Variants in ZNF486 observed in about 807,000 individuals in gnomAD.
The protein encoded by ZNF486 is KRAB box only protein 2.
A neutral mutation model predicts 12.8 loss-of-function variants in ZNF486; 12 were observed. The ratio of observed to expected loss-of-function variants is 0.94; its 90% CI spans 0.60 to 1.52. ZNF486 has a LOEUF of 1.52. ZNF486 is among the 40% of genes most tolerant of loss of function. The pLI, the probability that ZNF486 is intolerant of heterozygous loss-of-function variation, is 0.00. For synonymous variants in ZNF486, 231 were observed against 184.9 expected (o/e 1.25, Z -2.02); for missense variants, 738 against 545.0 (o/e 1.35, Z -3.53).
At chr19:20,193,177 CTA>C (rs1415152995) in intron 3 of ZNF486, among the ~76,000 whole-genome samples, 3 of 151,696 alleles carry the variant, frequency 2.0e-5, no homozygotes, top group Non-Finnish European at 4.4e-5. Context: ...AACTATGCCT[CTA>C]TATTTTATGG....
intron 1 of ZNF486, among the ~76,000 whole-genome samples, chr19:20,179,832 G>C (rs927878743): frequency 6.6e-6 from 1 of 152,194 alleles, no homozygotes; most frequent in African/African-American, 2.4e-5. Flanking sequence ...GAATCTGATG[G>C]CAGAATCTGT....
At chr19:20,172,982 C>T (rs750562224) in intron 1 of ZNF486, among the ~76,000 whole-genome samples, 11 of 152,098 alleles carry the variant, frequency 7.2e-5, no homozygotes, top group Non-Finnish European at 1.3e-4. Flanking sequence ...TTGTCAGAGG[C>T]AAAGTTTGTA....
chr19:20,183,067 T>A (rs2089803479), intron 1 of ZNF486, among the ~76,000 whole-genome samples: 2 of 152,212 alleles, frequency 1.3e-5, no homozygotes, highest in Admixed American at 1.3e-4. Flanking sequence ...CTTATGATAG[T>A]CAAGGGTCTC....
chr19:20,197,388 T>C lies in ZNF486; in HGVS notation c.678T>C (p.Thr226=). The stretch of plus-strand genomic sequence containing the variant: ...CCTTCAACCGGTCCTCACACCTTAC[T>C]ACACATAAGATAACTCATACTAGAG... ...GKAFNRSSHL[T]THKITHTREK... is the part of the protein sequence containing the mutation. The change falls in exon 4 of 4, where the codon ACT becomes ACC. Residue 226 remains threonine, a synonymous_variant. Coordinates refer to ENST00000335117, the MANE Select transcript of ZNF486 (RefSeq NM_052852.4). The C allele has an allele frequency of 6.2e-7, 1 of 1,613,326 alleles. No individual in the cohort carries two copies. The highest frequency in any genetic ancestry group is 1.1e-5 in the South Asian group (1 of 91,046).
At chr19:20,177,078 T>G (rs1039459648) in intron 1 of ZNF486, 3 of 152,264 alleles carry the variant, frequency 2.0e-5, no homozygotes, top group Admixed American at 2.0e-4. Flanking sequence ...GGCCTCACTC[T>G]CTGATGTGAC....
At chr19:20,167,816 G>A (rs1250971513) in intron 1 of ZNF486, among the ~76,000 whole-genome samples, 1 of 152,058 alleles carries the variant, frequency 6.6e-6, no homozygotes, top group African/African-American at 2.4e-5. Context: ...GCGAAGGCTG[G>A]CGGATCACTT....
In ZNF486 at chr19:20,197,101, G is replaced by T; in HGVS notation, c.391G>T (p.Glu131Ter). 6.2e-7 allele frequency: 1 copy of T among 1,613,326 alleles called. No homozygotes were observed. The highest frequency in any genetic ancestry group is 8.5e-7 in the Non-Finnish European group (1 of 1,179,856). Residue 131 changes from glutamate (E) to a stop codon, truncating the protein, a stop_gained, in exon 4 of 4, where the codon GAG (glutamate) becomes TAG (stop). Transcript: ENST00000335117. LOFTEE classifies it low-confidence loss of function (END_TRUNC). ...HFKKGCESVDECKLHKRGYNG... is the reference protein window; with the variant it reads ...HFKKGCESVD Reference sequence around the variant, plus strand: ...TAAAAAAGGCTGTGAAAGTGTGGATGAGTGTAAGTTACACAAAAGAGGTTA... The same window carrying T: ...TAAAAAAGGCTGTGAAAGTGTGGATTAGTGTAAGTTACACAAAAGAGGTTA...
chr19:20,184,402 A>C lies in ZNF486; in HGVS notation c.77A>C (p.Glu26Ala), dbSNP rs782405483. The C allele has an allele frequency of 1.2e-6, 2 of 1,613,604 alleles. No homozygotes were observed. Among genetic ancestry groups the C allele is most frequent in the South Asian group, 2.2e-5 (2 of 91,058 alleles). ...GTGGCTGTAGAATTCTCTCTGGAGG[A>C]GTGGCATTGCCTGGACACTGCACAG... ...RDVAVEFSLE[E>A]WHCLDTAQQN... The change falls in exon 2 of 4, where the codon GAG (glutamate) becomes GCG (alanine). Residue 26 changes from glutamate to alanine, a missense_variant. Glu to Ala is a moderately radical substitution (Grantham distance 107). Coordinates refer to ENST00000335117, the MANE Select transcript of ZNF486 (RefSeq NM_052852.4).
At position 20,198,144 on chromosome 19, in the gene ZNF486, TC is replaced by T. The variant is rs2089980271; in HGVS notation, c.*43del. On this transcript the variant is annotated 3_prime_UTR_variant, in exon 4 of 4. Transcript: ENST00000335117. ...TATTATTATTTTTTTGAGAGGTAATTCTGCTGTTGTTTCCCAGGCTGGAGTG... is the reference window on the plus strand; with the variant it reads ...TATTATTATTTTTTTGAGAGGTAATTTGCTGTTGTTTCCCAGGCTGGAGTG... The T allele has an allele frequency of 1.3e-6, 2 of 1,489,918 alleles. No homozygotes were observed. Among genetic ancestry groups the T allele is most frequent in the East Asian group, 4.9e-5 (2 of 40,594 alleles). The allele number at this position is 1,489,918 out of a possible 1,614,324, so 92.3% of individuals were successfully genotyped here.
intron 1 of ZNF486, among the ~76,000 whole-genome samples, chr19:20,178,918 C>A (rs1215704826): frequency 6.6e-6 from 1 of 152,180 alleles, no homozygotes; most frequent in Non-Finnish European, 1.5e-5. Context: ...GACATGTTGA[C>A]AAGAGAATCT....
At chr19:20,170,440 A>G (rs1407590864) in intron 1 of ZNF486, among the ~76,000 whole-genome samples, 1 of 151,858 alleles carries the variant, frequency 6.6e-6, no homozygotes, top group Non-Finnish European at 1.5e-5. Context: ...CTTGGCAGGT[A>G]CATGTAATGC....
chr19:20,173,612 C>T (rs959961664), intron 1 of ZNF486, among the ~76,000 whole-genome samples: 15 of 152,018 alleles, frequency 9.9e-5, no homozygotes, highest in African/African-American at 1.9e-4. Context: ...GGGTGGATCA[C>T]GAGGTCAGGA....
intron 1 of ZNF486, among the ~76,000 whole-genome samples, chr19:20,170,176 C>T (rs2089633933): frequency 6.6e-6 from 1 of 151,938 alleles, no homozygotes; most frequent in Admixed American, 6.6e-5. Flanking sequence ...GGATTACAGG[C>T]GTGAGCCACC....
At chr19:20,193,433 G>C (rs1030868104) in intron 3 of ZNF486, among the ~76,000 whole-genome samples, 3 of 151,826 alleles carry the variant, frequency 2.0e-5, no homozygotes, top group African/African-American at 7.3e-5. Context: ...AGGCCGAGGT[G>C]GGTGAATCAG....
intron 3 of ZNF486, among the ~76,000 whole-genome samples, chr19:20,187,328 A>G (rs1240171394): frequency 6.6e-5 from 10 of 152,084 alleles, no homozygotes; most frequent in African/African-American, 2.4e-4. Context: ...TATACGATCT[A>G]CAAACAGCGA....
At chr19:20,172,131 G>A (rs1555713972) in intron 1 of ZNF486, among the ~76,000 whole-genome samples, 1 of 151,900 alleles carries the variant, frequency 6.6e-6, no homozygotes. Context: ...AGCCTCCCAA[G>A]TAGCTGGGAT....
At chr19:20,189,357 C>A (rs1338752158) in intron 3 of ZNF486, among the ~76,000 whole-genome samples, 5 of 152,120 alleles carry the variant, frequency 3.3e-5, no homozygotes, top group African/African-American at 9.7e-5. Context: ...GGCTTGAGCA[C>A]CTGGGCCTGG....
At chr19:20,185,910 C>A in intron 2 of ZNF486, 77 bp from the exon 3 acceptor site, 7 of 837,568 alleles carry the variant, frequency 8.4e-6, no homozygotes, top group Non-Finnish European at 1.2e-5. Context: ...TTATTACATT[C>A]TTTCTGCTGA....
chr19:20,196,929 C>A (rs781915841), intron 3 of ZNF486, 35 bp from the exon 4 acceptor site: 68 of 1,511,736 alleles, frequency 4.5e-5, no homozygotes, highest in Non-Finnish European at 5.7e-5. Context: ...CTGAGTCTAG[C>A]AATTGAAGTA....
Sources: gnomAD v4.1 joint callset for allele counts (sites outside exome capture counted in the v4.1 genomes callset) on GRCh38, gnomAD v4.1.1 for gene constraint, MANE v1.5 for transcripts, NCBI Gene and HGNC (gene_info 2026-07-23, HGNC 2026-07-21) for gene names.